The following CAPN15 variants were observed in gnomAD, a reference collection of about 807,000 sequenced individuals.
CAPN15 encodes the protein calpain-15.
Under a neutral mutation model 97.9 loss-of-function variants are expected in CAPN15, and 53 were observed. The observed-to-expected ratio is 0.54, with a 90% CI of 0.43 to 0.68. The LOEUF (loss-of-function observed/expected upper bound fraction) is 0.68, where lower values mean the gene tolerates loss of function less well. Among genes scored for constraint, CAPN15 ranks in the 30% least tolerant of loss-of-function variants. The pLI, the probability that CAPN15 is intolerant of heterozygous loss-of-function variation, is 0.00. For missense variants in CAPN15, 1,592 were observed against 1,589.8 expected, an observed-to-expected ratio of 1.00 and a Z score of -0.02; for synonymous variants, 922 against 722.5, an observed-to-expected ratio of 1.28 and a Z score of -4.43.
intron 3 of CAPN15, among the ~76,000 whole-genome samples, chr16:536,584 A>G (rs1030885502): frequency 6.6e-6 from 1 of 152,096 alleles, no homozygotes; most frequent in Non-Finnish European, 1.5e-5. Context: ...CACCACGCCC[A>G]GCTAATTTTT....
Position 548,013 on chromosome 16 carries a change from G to A in CAPN15, c.1175G>A (p.Cys392Tyr). 6.3e-7 allele frequency: 1 copy of A among 1,575,266 alleles called. No individual in the cohort carries two copies. The highest frequency in any genetic ancestry group is 8.6e-7 in the Non-Finnish European group (1 of 1,162,610). The change falls in exon 4 of 14, where the codon TGC becomes TAC. Residue 392 changes from cysteine (C) to tyrosine (Y), a missense_variant. Around this residue, in one of 3 missense-constraint regions of CAPN15, gnomAD observed 883 missense variants for 776.6 expected, o/e 1.14. Transcript: ENST00000219611. ...PDCGADKPSP[C>Y]GRSCGRVSSA... ...TGTGGGGCCGACAAGCCCAGCCCCT[G>A]CGGCAGAAGCTGCGGACGGGTGTCC...
Position 547,686 on chromosome 16 carries a change from C to A in CAPN15, c.848C>A (p.Ala283Asp). The A allele has an allele frequency of 6.3e-7, 1 of 1,590,648 alleles. No individual in the cohort carries two copies. The highest frequency in any genetic ancestry group is 8.6e-7 in the Non-Finnish European group (1 of 1,167,414). ...CCCCAGGGCTCGGGCTGGGCTGGGG[C>A]CTCCCGCCTAGCAGAGTTGCTGTCT... ...GAPQGSGWAGASRLAELLSGK... is the reference protein window; with the variant it reads ...GAPQGSGWAGDSRLAELLSGK... Residue 283 changes from alanine (A) to aspartate (D), a missense_variant, in exon 4 of 14, where the codon GCC becomes GAC. Ala to Asp is a moderately radical substitution (Grantham distance 126). Around this residue, in one of 3 missense-constraint regions of CAPN15, gnomAD observed 883 missense variants for 776.6 expected, o/e 1.14. Transcript: ENST00000219611.
In CAPN15 at chr16:554,511, C is replaced by T. The variant is rs1169182732; in HGVS notation, c.*995C>T. The T allele has an allele frequency of 1.3e-5, 6 of 455,878 alleles. No homozygotes were observed. The highest frequency in any genetic ancestry group is 2.6e-5 in the Non-Finnish European group (6 of 226,752). 28.2% of individuals were successfully genotyped at this position (455,878 alleles called of 1,614,324 possible). Reference sequence around the variant, plus strand: ...GTGAATATTTTTAACCCTGTAAATACGGCCAGCTCTTGTGACACAGAGACT... The same window carrying T: ...GTGAATATTTTTAACCCTGTAAATATGGCCAGCTCTTGTGACACAGAGACT... On this transcript the variant is annotated 3_prime_UTR_variant, in exon 14 of 14. Coordinates refer to ENST00000219611, the MANE Select transcript of CAPN15 (RefSeq NM_005632.3).
chr16:551,142 GGTCGGTGAGGGCGCCCC>G (rs1455947514), intron 7 of CAPN15, among the ~76,000 whole-genome samples, 143 bp from the exon 8 acceptor site: 89 of 96,442 alleles, frequency 9.2e-4, no homozygotes, highest in East Asian at 7.6e-3. Context: ...TGAGGGCCCC[GGTCGGTGAGGGCGCCCC>G]GTCGGTGAGG....
intron 3 of CAPN15, among the ~76,000 whole-genome samples, chr16:546,306 G>C (rs1233982572): frequency 6.6e-6 from 1 of 152,228 alleles, no homozygotes; most frequent in Non-Finnish European, 1.5e-5. Context: ...AAGAACAATT[G>C]ATTTTTCTGC....
Position 547,471 on chromosome 16 carries a change from C to A in CAPN15, c.633C>A (p.Ala211=). The A allele has an allele frequency of 6.3e-7, 1 of 1,595,414 alleles. No homozygotes were observed. Among genetic ancestry groups the A allele is most frequent in the Non-Finnish European group, 8.5e-7 (1 of 1,177,944 alleles). Residue 211 remains alanine (A), a synonymous_variant, in exon 4 of 14, where the codon GCC becomes GCA. Transcript: ENST00000219611. ...GCCTCCCCGGGGAAGGTGCCGAGGC[C>A]AACCCCCCAGCCACCAGCCAGGGCC... ...PPGLPGEGAE[A]NPPATSQGPA...
At chr16:531,410 C>A (rs1372606444) in intron 1 of CAPN15, among the ~76,000 whole-genome samples, 1 of 152,134 alleles carries the variant, frequency 6.6e-6, no homozygotes, top group Non-Finnish European at 1.5e-5. Flanking sequence ...ACCTCTTACA[C>A]CTTCTGCCCC....
chr16:549,435 G>C lies in CAPN15; in HGVS notation c.1806G>C (p.Leu602=), dbSNP rs1445442614. The change falls in exon 6 of 14, where the codon CTG becomes CTC. Residue 602 remains leucine (L), a synonymous_variant. Coordinates refer to ENST00000219611, the MANE Select transcript of CAPN15 (RefSeq NM_005632.3). ...TWTTVLVDDM[L]PCDEAGCLLF... ...CCACGGTGCTGGTGGACGACATGCTGCCCTGTGATGAGGCCGGCTGCCTCC... is the reference window on the plus strand; with the variant it reads ...CCACGGTGCTGGTGGACGACATGCTCCCCTGTGATGAGGCCGGCTGCCTCC... 9.4e-6 allele frequency: 15 copies of C among 1,599,090 alleles called. No individual in the cohort carries two copies. Among genetic ancestry groups the C allele is most frequent in the Non-Finnish European group, 1.1e-5 (13 of 1,178,558 alleles).
intron 3 of CAPN15, among the ~76,000 whole-genome samples, chr16:542,190 A>G (rs1461792581): frequency 3.9e-5 from 6 of 152,246 alleles, no homozygotes. Context: ...CATTTTATCT[A>G]TTCATGGACG....
chr16:532,063 A>G (rs2033302499), intron 1 of CAPN15, among the ~76,000 whole-genome samples: 1 of 151,978 alleles, frequency 6.6e-6, no homozygotes, highest in Non-Finnish European at 1.5e-5. Context: ...AAAATGGCGA[A>G]ACCCCATCTC....
In CAPN15 at chr16:547,628, C is replaced by T; in HGVS notation, c.790C>T (p.Gln264Ter). 1 of 1,568,406 alleles carries T rather than the reference C, an allele frequency of 6.4e-7. No individual in the cohort carries two copies. The highest frequency in any genetic ancestry group is 8.6e-7 in the Non-Finnish European group (1 of 1,158,634). The change falls in exon 4 of 14, where the codon CAG (glutamine) becomes TAG (stop). Residue 264 changes from glutamine to a stop codon, truncating the protein, a stop_gained. Coordinates refer to ENST00000219611, the MANE Select transcript of CAPN15 (RefSeq NM_005632.3). LOFTEE classifies it high-confidence loss of function. ...QLQPPVPEAA[Q>*]PSPSAGCRGA... ...GCAGCCACCGGTGCCTGAGGCTGCC[C>T]AGCCGTCACCCTCTGCCGGCTGCAG... is the stretch of plus-strand genomic sequence containing the variant.
At position 547,394 on chromosome 16, in the gene CAPN15, G is replaced by T; in HGVS notation, c.556G>T (p.Glu186Ter). Residue 186 changes from glutamate (E) to a stop codon, truncating the protein, a stop_gained, in exon 4 of 14, where the codon GAA (glutamate) becomes TAA (stop). Transcript: ENST00000219611. LOFTEE classifies it high-confidence loss of function. ...RIPPEALVVP[E>*]VVAPAGFHVV... is the part of the protein sequence containing the mutation. The stretch of plus-strand genomic sequence containing the variant: ...CCCTCCTGAGGCCCTGGTGGTCCCG[G>T]AAGTGGTGGCCCCGGCCGGCTTCCA... 1 of 1,563,324 alleles carries T rather than the reference G, an allele frequency of 6.4e-7. No individual in the cohort carries two copies. Among genetic ancestry groups the T allele is most frequent in the Non-Finnish European group, 8.6e-7 (1 of 1,161,962 alleles).
Position 552,766 on chromosome 16 carries a change from C to A in CAPN15, c.2899C>A (p.His967Asn). The A allele has an allele frequency of 6.5e-7, 1 of 1,530,666 alleles. No individual in the cohort carries two copies. The highest frequency in any genetic ancestry group is 8.8e-7 in the Non-Finnish European group (1 of 1,136,734). The allele number at this position is 1,530,666 out of a possible 1,614,324, so 94.8% of individuals were successfully genotyped here. A position where few individuals can be genotyped will look rare whatever the true frequency, so the allele number is the denominator to read the frequency against. Residue 967 changes from histidine (H) to asparagine (N), a missense_variant, in exon 12 of 14, where the codon CAC (histidine) becomes AAC (asparagine). Physicochemically the swap from His to Asn is moderately conservative, Grantham distance 68 (BLOSUM62 1). Coordinates refer to ENST00000219611, the MANE Select transcript of CAPN15 (RefSeq NM_005632.3). This position sits in a 1 kb window ranked among gnomAD's most constrained non-coding sequence, Gnocchi z 6.4. The part of the protein sequence containing the change: ...ILLTESRGER[H>N]EGREGMTCYY... ...GCTCACCGAGAGCCGCGGAGAGCGG[C>A]ACGAGGTGGGTGGGGGTCCCGGGGG...
At chr16:545,073 G>A (rs552362329) in intron 3 of CAPN15, among the ~76,000 whole-genome samples, 6 of 151,956 alleles carry the variant, frequency 3.9e-5, no homozygotes, top group African/African-American at 1.4e-4. Context: ...CTCCTGACGC[G>A]AGCTTTTACT....
At chr16:531,532 A>G (rs2033254381) in intron 1 of CAPN15, among the ~76,000 whole-genome samples, 1 of 152,142 alleles carries the variant, frequency 6.6e-6, no homozygotes, top group Non-Finnish European at 1.5e-5. Context: ...GGCTGCAGAG[A>G]GGCTGGAGCT....
chr16:541,298 C>T (rs1567142083), intron 3 of CAPN15, among the ~76,000 whole-genome samples: 1 of 152,222 alleles, frequency 6.6e-6, no homozygotes, highest in South Asian at 2.1e-4. Context: ...TAGCCAGGGG[C>T]TGTGTGGGGG....
At chr16:543,143 ACGCTAGACGGTGT>A (rs1212771704) in intron 3 of CAPN15, 1 of 153,080 alleles carries the variant, frequency 6.5e-6, no homozygotes, top group African/African-American at 2.4e-5. Context: ...ACACAGTGAG[ACGCTAGACGGTGT>A]CTCAAAAAAC....
rs145822647 is a variant in CAPN15 at position 539,741 on chromosome 16, C to T, written c.-23+3599C>T. On this transcript the variant is annotated intron_variant, in intron 3 of 13. Coordinates refer to ENST00000219611, the MANE Select transcript of CAPN15 (RefSeq NM_005632.3). ...CAGCCTGGCCTGCAGCAGCTCCCTA[C>T]GCCCTCTGCTACCTCCCCTGCCTAC... 424 of 152,522 alleles carry T rather than the reference C, an allele frequency of 2.8e-3. 2 individuals are homozygous for T. Among genetic ancestry groups the T allele is most frequent in the Non-Finnish European group, 4.8e-3 (330 of 68,140 alleles). 9.4% of individuals were successfully genotyped at this position (152,522 alleles called of 1,614,324 possible).
rs1323019182 is a variant in CAPN15 at position 535,972 on chromosome 16, G to A, written c.-136-57G>A. On this transcript the variant is annotated intron_variant, in intron 2 of 13. Transcript: ENST00000219611. This position sits in a 1 kb window ranked among gnomAD's most constrained non-coding sequence, Gnocchi z 6.2. The stretch of plus-strand genomic sequence containing the variant: ...CCCTGCTGTCCCTCGGCCTGGCCTG[G>A]GCACACTCCTTGGTGACAGTGCCCC... 5.7e-6 allele frequency: 3 copies of A among 525,194 alleles called. No homozygotes were observed. The African/African-American group carries it at 6.4e-5, about 11-fold the overall frequency. The allele number at this position is 525,194 out of a possible 1,614,324, so 32.5% of individuals were successfully genotyped here. A position where few individuals can be genotyped will look rare whatever the true frequency, so the allele number is the denominator to read the frequency against.
Sources: gnomAD v4.1 joint callset for allele counts (sites outside exome capture counted in the v4.1 genomes callset) on GRCh38, gnomAD v4.1.1 for gene constraint, gnomAD v4.1.1 regional missense constraint, Gnocchi (gnomAD v3.1) non-coding constraint, MANE v1.5 for transcripts, NCBI Gene and HGNC (gene_info 2026-07-23, HGNC 2026-07-21) for gene names.